The following KDM6A variants were observed in gnomAD, a reference collection of about 807,000 sequenced individuals.
KDM6A encodes the protein lysine-specific demethylase 6A.
Under a neutral mutation model 117.6 loss-of-function variants are expected in KDM6A, and 11 were observed. That is an observed-to-expected ratio of 0.09 (90% CI 0.06 to 0.15). The LOEUF (loss-of-function observed/expected upper bound fraction) is 0.15, where lower values mean the gene tolerates loss of function less well. Ranked by LOEUF, KDM6A falls within the 10% of genes least tolerant of loss-of-function variation. The pLI is 1.00. For synonymous variants in KDM6A, 384 were observed against 396.1 expected (o/e 0.97, Z 0.36); for missense variants, 799 against 1,077.3 (o/e 0.74, Z 3.62).
intron 2 of KDM6A, among the ~76,000 whole-genome samples, chrX:44,948,710 C>G (rs1319927515): frequency 8.9e-6 from 1 of 111,967 alleles, no homozygotes; most frequent in Non-Finnish European, 1.9e-5. Context: ...TATAGAAATC[C>G]TTTATGTATA....
chrX:45,087,889 ATTTCACTGTAATTTTG>A (rs920149180), intron 25 of KDM6A, among the ~76,000 whole-genome samples: 12 of 112,160 alleles, frequency 1.1e-4, no homozygotes, highest in Non-Finnish European at 1.7e-4. Context: ...CTTCTTCAGC[ATTTCACTGTAATTTTG>A]TTTCACATAA....
At chrX:44,909,454 T>C (rs774099925) in intron 2 of KDM6A, among the ~76,000 whole-genome samples, 1 of 111,366 alleles carries the variant, frequency 9.0e-6, no homozygotes, top group East Asian at 2.8e-4. Flanking sequence ...TAATAGCTTA[T>C]CTTTGACTTT....
chrX:44,987,079 A>G (rs1473893719), intron 4 of KDM6A, among the ~76,000 whole-genome samples: 2 of 111,576 alleles, frequency 1.8e-5, no homozygotes, highest in African/African-American at 6.5e-5. Context: ...GACTTGCTTT[A>G]TGAATCTGGG....
chrX:45,067,654 T>TTTTTTTG (rs1491276267), intron 17 of KDM6A, among the ~76,000 whole-genome samples: 6 of 82,104 alleles, frequency 7.3e-5, no homozygotes, highest in African/African-American at 3.6e-4. Context: ...CTTTTTTTTG[T>TTTTTTTG]TTTTTTTTTT....
At chrX:45,067,813 C>T (rs749447258) in intron 17 of KDM6A, among the ~76,000 whole-genome samples, 15 of 109,218 alleles carry the variant, frequency 1.4e-4, no homozygotes, top group Non-Finnish European at 2.1e-4. Flanking sequence ...CCACCATGCC[C>T]GGCTAATTTT....
chrX:45,026,258 A>G (rs761242987), intron 6 of KDM6A, among the ~76,000 whole-genome samples: 2 of 111,981 alleles, frequency 1.8e-5, no homozygotes, highest in South Asian at 7.4e-4. Flanking sequence ...TCGACATGAA[A>G]CTTCTGAGTG....
intron 4 of KDM6A, among the ~76,000 whole-genome samples, chrX:44,982,023 C>T (rs780726245): frequency 2.7e-5 from 3 of 111,999 alleles, no homozygotes; most frequent in Non-Finnish European, 3.8e-5. Context: ...GCAGAGGTTG[C>T]AGTGAGCCGA....
chrX:45,112,001 C>T lies in KDM6A; in HGVS notation c.*590C>T. On this transcript the variant is annotated 3_prime_UTR_variant, in exon 30 of 30. Coordinates refer to ENST00000611820, the MANE Select transcript of KDM6A (RefSeq NM_001291415.2). ...ACAAAGGTAATGGATTGCACATAGACTAAGGAATAAACTTCAGATTTGTGA... is the reference window on the plus strand; with the variant it reads ...ACAAAGGTAATGGATTGCACATAGATTAAGGAATAAACTTCAGATTTGTGA... The T allele has an allele frequency of 6.0e-6, 1 of 167,423 alleles. No individual in the cohort carries two copies. Among genetic ancestry groups the T allele is most frequent in the Non-Finnish European group, 1.1e-5 (1 of 87,505 alleles). 13.8% of individuals were successfully genotyped at this position (167,423 alleles called of 1,213,427 possible).
chrX:44,969,687 A>G (rs1271084726), intron 3 of KDM6A, among the ~76,000 whole-genome samples: 1 of 110,979 alleles, frequency 9.0e-6, no homozygotes, highest in Non-Finnish European at 1.9e-5. Flanking sequence ...AAGTGCTGGG[A>G]TTACAGGCGT....
intron 2 of KDM6A, among the ~76,000 whole-genome samples, chrX:44,952,516 A>G (rs1018057581): frequency 4.6e-5 from 5 of 109,425 alleles, no homozygotes; most frequent in African/African-American, 1.0e-4. Flanking sequence ...CAGGTGATCA[A>G]CCCGCCTCGG....
At chrX:45,103,962 A>G (rs2046428439) in intron 27 of KDM6A, among the ~76,000 whole-genome samples, 1 of 110,750 alleles carries the variant, frequency 9.0e-6, no homozygotes, top group Non-Finnish European at 1.9e-5. Flanking sequence ...AGCATTTTCC[A>G]TCTTCTATGT....
chrX:45,017,220 A>G (rs1273428740), intron 5 of KDM6A, among the ~76,000 whole-genome samples: 1 of 112,105 alleles, frequency 8.9e-6, no homozygotes, highest in East Asian at 2.8e-4. Flanking sequence ...TTGTATCATA[A>G]AAGTATTTAT....
At chrX:45,030,650 C>G (rs1024708659) in intron 6 of KDM6A, among the ~76,000 whole-genome samples, 5 of 110,570 alleles carry the variant, frequency 4.5e-5, no homozygotes, top group Non-Finnish European at 9.5e-5. Context: ...TACCCATAGA[C>G]TATTCATTTT....
chrX:45,100,838 TTTC>T (rs1461994706), intron 27 of KDM6A, among the ~76,000 whole-genome samples: 6 of 109,698 alleles, frequency 5.5e-5, no homozygotes, highest in African/African-American at 2.0e-4. Flanking sequence ...TTTCTTTTTC[TTTC>T]TTCTTTTTTT....
At chrX:44,928,863 A>G (rs1204523863) in intron 2 of KDM6A, among the ~76,000 whole-genome samples, 4 of 111,662 alleles carry the variant, frequency 3.6e-5, no homozygotes, top group African/African-American at 9.8e-5. Flanking sequence ...GCAAACCTCA[A>G]ATGCACTTCT....
intron 4 of KDM6A, among the ~76,000 whole-genome samples, chrX:45,008,738 G>T (rs982186124): frequency 2.7e-5 from 3 of 111,356 alleles, no homozygotes; most frequent in African/African-American, 9.8e-5. Context: ...CAGGGGATGG[G>T]ATAGTAGATG....
intron 24 of KDM6A, among the ~76,000 whole-genome samples, chrX:45,085,011 C>T (rs755096138): frequency 2.7e-5 from 3 of 111,605 alleles, no homozygotes; most frequent in Non-Finnish European, 5.6e-5. Context: ...AGGATTAGAA[C>T]TATTGGTTAT....
At chrX:45,044,908 GTTA>G (rs1319859534) in intron 8 of KDM6A, among the ~76,000 whole-genome samples, 1 of 111,278 alleles carries the variant, frequency 9.0e-6, no homozygotes, top group African/African-American at 3.3e-5. Flanking sequence ...ACTTGTGTAT[GTTA>G]TTATACTATA....
At chrX:44,932,816 TTC>T (rs964071594) in intron 2 of KDM6A, among the ~76,000 whole-genome samples, 1 of 111,664 alleles carries the variant, frequency 9.0e-6, no homozygotes, top group Non-Finnish European at 1.9e-5. Context: ...ACAGCAGTTT[TTC>T]GTAGTCTCAG....
Sources: allele counts gnomAD v4.1 joint callset (sites outside exome capture counted in the v4.1 genomes callset), GRCh38; gene constraint gnomAD v4.1.1; transcripts MANE v1.5; gene names NCBI Gene and HGNC (gene_info 2026-07-23, HGNC 2026-07-21).